Variants in CREBZF observed in about 807,000 individuals in gnomAD.
CREBZF encodes the protein HCF-binding transcription factor Zhangfei.
Under a neutral mutation model 21.1 loss-of-function variants are expected in CREBZF, and 8 were observed. The ratio of observed to expected loss-of-function variants is 0.38; its 90% CI spans 0.22 to 0.68. CREBZF has a LOEUF of 0.68. CREBZF is among the 30% of genes least tolerant of loss of function. The pLI, the probability that CREBZF is intolerant of heterozygous loss-of-function variation, is 0.51. For missense variants in CREBZF, 518 were observed against 484.3 expected, an observed-to-expected ratio of 1.07 and a Z score of -0.65; for synonymous variants, 270 against 223.3, an observed-to-expected ratio of 1.21 and a Z score of -1.86.
At position 85,664,757 on chromosome 11, in the gene CREBZF, G is replaced by T; in HGVS notation, c.119C>A (p.Ala40Glu). The T allele has an allele frequency of 6.2e-7, 1 of 1,607,976 alleles. No homozygotes were observed. The highest frequency in any genetic ancestry group is 1.1e-5 in the South Asian group (1 of 90,778). The change falls in exon 1 of 1, where the codon GCG (alanine) becomes GAG (glutamate). Residue 40 changes from alanine (A) to glutamate (E), a missense_variant. Coordinates refer to ENST00000527447, the MANE Select transcript of CREBZF (RefSeq NM_001039618.4). The surrounding 1 kb of genome is among the most constrained non-coding windows in gnomAD (Gnocchi z 5.5). ...GGCCGCCGCCGTCTCCTCCTCCCCC[G>T]CTGCAGCCCGGGTCAGGTCAGAGGG... is the stretch of plus-strand genomic sequence containing the variant. ...SLPSDLTRAA[A>E]GEEETAAAGS...
rs1468063258 is a variant in CREBZF at position 85,663,539 on chromosome 11, G to C, written c.*272C>G. 7.9e-7 allele frequency: 1 copy of C among 1,270,364 alleles called. No individual in the cohort carries two copies. Among genetic ancestry groups the C allele is most frequent in the South Asian group, 1.3e-5 (1 of 78,484 alleles). 78.7% of individuals were successfully genotyped at this position (1,270,364 alleles called of 1,614,324 possible). A position where few individuals can be genotyped will look rare whatever the true frequency, so the allele number is the denominator to read the frequency against. Reference sequence around the variant, plus strand: ...GGATCCTTACCAGGTTGTGAGGCGGGAACGACTGTTCTGTAACCCCTACAA... The same window carrying C: ...GGATCCTTACCAGGTTGTGAGGCGGCAACGACTGTTCTGTAACCCCTACAA... On this transcript the variant is annotated 3_prime_UTR_variant, in exon 1 of 1. Transcript: ENST00000527447.
chr11:85,661,756 G>C lies in CREBZF; in HGVS notation c.*2055C>G, dbSNP rs1404935741. ...AAATTCTTTGAGCCCATAACTAAAA[G>C]ATCAACAAACCTGGTTTTATTATGA... is the stretch of plus-strand genomic sequence containing the variant. On this transcript the variant is annotated 3_prime_UTR_variant, in exon 1 of 1. Transcript: ENST00000527447. 6.6e-6 allele frequency: 1 copy of C among 152,272 alleles called. No homozygotes were observed. The highest frequency in any genetic ancestry group is 6.6e-5 in the Admixed American group (1 of 15,246). The allele number at this position is 152,272 out of a possible 1,614,324, so 9.4% of individuals were successfully genotyped here.
rs78050764 is a variant in CREBZF at position 85,679,892 on chromosome 11, T to C, written n.147+2825A>G. Among the ~76,000 whole-genome samples, 876 of 152,358 alleles carry C rather than the reference T, an allele frequency of 5.7e-3. 3 individuals carry two copies. The highest frequency in any genetic ancestry group is 8.9e-3 in the Non-Finnish European group (606 of 68,034). ...TTGCCTAAACAGAAATATAGCTTAT[T>C]GGGAAGTTAAACAGATATGTGGAAG... On this transcript the variant is annotated intron_variant and non_coding_transcript_variant, in intron 1 of 3. Transcript: ENST00000531515.
At chr11:85,672,221 G>A (rs761608475) in intron 1 of CREBZF, among the ~76,000 whole-genome samples, 1 of 152,248 alleles carries the variant, frequency 6.6e-6, no homozygotes. Context: ...GCGGGATGCA[G>A]GGCACCAAGT....
chr11:85,660,703 AT>A lies in CREBZF; in HGVS notation c.*3107del, dbSNP rs999276371. 4 of 393,550 alleles carry A rather than the reference AT, an allele frequency of 1.0e-5. No homozygotes were observed. The highest frequency in any genetic ancestry group is 8.6e-5 in the African/African-American group (4 of 46,420). 24.4% of individuals were successfully genotyped at this position (393,550 alleles called of 1,614,324 possible). ...TGGATTATATCAGAGGTGTGACTACATTTTAACAAAAGTGGACTTTTTAAGA... is the reference window on the plus strand; with the variant it reads ...TGGATTATATCAGAGGTGTGACTACATTTAACAAAAGTGGACTTTTTAAGA... On this transcript the variant is annotated 3_prime_UTR_variant, in exon 1 of 1. Transcript: ENST00000527447.
At position 85,660,546 on chromosome 11, in the gene CREBZF, C is replaced by T. The variant is rs1363020766; in HGVS notation, c.*3265G>A. On this transcript the variant is annotated 3_prime_UTR_variant, in exon 1 of 1. Transcript: ENST00000527447. ...CACAATTACTTTGTTACCAACAGTC[C>T]AGTCAGTTAACAGGTTGTAGGAAAA... 6.7e-6 allele frequency: 3 copies of T among 450,844 alleles called. No homozygotes were observed. The highest frequency in any genetic ancestry group is 1.3e-5 in the Non-Finnish European group (3 of 224,958). 27.9% of individuals were successfully genotyped at this position (450,844 alleles called of 1,614,324 possible). A position where few individuals can be genotyped will look rare whatever the true frequency, so the allele number is the denominator to read the frequency against.
intron 1 of CREBZF, among the ~76,000 whole-genome samples, chr11:85,680,659 T>C (rs2082970942): frequency 6.6e-6 from 1 of 152,260 alleles, no homozygotes; most frequent in African/African-American, 2.4e-5. Context: ...GAGACTCATC[T>C]GTACAGCTCT....
chr11:85,672,767 C>T (rs550869852), intron 1 of CREBZF, among the ~76,000 whole-genome samples: 10 of 152,194 alleles, frequency 6.6e-5, no homozygotes, highest in Non-Finnish European at 1.5e-4. Context: ...AGCACCAATG[C>T]CTTTTATGAC....
At chr11:85,682,617 CGATCTT>C in intron 1 of CREBZF, 1 of 351,912 alleles carries the variant, frequency 2.8e-6, no homozygotes, top group Non-Finnish European at 5.2e-6. Flanking sequence ...CCCCCCAACG[CGATCTT>C]CCAGACGCGC....
At position 85,662,369 on chromosome 11, in the gene CREBZF, TTCC is replaced by T; in HGVS notation, c.*1439_*1441del. ...GCAGAAGCCCTGATATTACCTCTTT[TTCC>T]TCATTTCTTATACTACCTTTTAAAA... On this transcript the variant is annotated 3_prime_UTR_variant, in exon 1 of 1. Transcript: ENST00000527447. The T allele has an allele frequency of 1.4e-6, 1 of 715,886 alleles. No individual in the cohort carries two copies. The highest frequency in any genetic ancestry group is 1.5e-5 in the South Asian group (1 of 67,424). The allele number at this position is 715,886 out of a possible 1,614,324, so 44.3% of individuals were successfully genotyped here. A position where few individuals can be genotyped will look rare whatever the true frequency, so the allele number is the denominator to read the frequency against.
chr11:85,668,594 C>T (rs1432524472), upstream of CREBZF, among the ~76,000 whole-genome samples: 2 of 152,142 alleles, frequency 1.3e-5, no homozygotes, highest in East Asian at 3.8e-4. Context: ...AATAGCACTT[C>T]CAGATTCATG....
rs2082615407 is a variant in CREBZF at position 85,659,529 on chromosome 11, G to C, written c.*4282C>G. 6.6e-6 allele frequency among the ~76,000 whole-genome samples: 1 copy of C among 152,044 alleles called. No homozygotes were observed. Among genetic ancestry groups the C allele is most frequent in the Non-Finnish European group, 1.5e-5 (1 of 67,912 alleles). ...GTAAGAAACTGAATGGATTTAATAA[G>C]TTTTGAATAATACAATAACCAACTG... On this transcript the variant is annotated 3_prime_UTR_variant, in exon 1 of 1. Coordinates refer to ENST00000527447, the MANE Select transcript of CREBZF (RefSeq NM_001039618.4).
intron 1 of CREBZF, among the ~76,000 whole-genome samples, chr11:85,672,023 A>G (rs1481224988): frequency 6.6e-6 from 1 of 152,226 alleles, no homozygotes; most frequent in Non-Finnish European, 1.5e-5. Context: ...CAGCAAACTT[A>G]TGCCTGGACA....
chr11:85,673,114 C>T (rs189505750), intron 1 of CREBZF, among the ~76,000 whole-genome samples: 45 of 152,244 alleles, frequency 3.0e-4, no homozygotes, highest in Admixed American at 1.6e-3. Context: ...GTTTTTGCAA[C>T]ACAGAAAAGC....
intron 1 of CREBZF, among the ~76,000 whole-genome samples, chr11:85,679,716 T>C (rs1235389571): frequency 6.6e-6 from 1 of 152,202 alleles, no homozygotes; most frequent in African/African-American, 2.4e-5. Flanking sequence ...AAAAAGATAT[T>C]GTCATTAGCC....
Position 85,663,780 on chromosome 11 carries a change from T to C in CREBZF, c.*31A>G. On this transcript the variant is annotated 3_prime_UTR_variant, in exon 1 of 1. Coordinates refer to ENST00000527447, the MANE Select transcript of CREBZF (RefSeq NM_001039618.4). Reference sequence around the variant, plus strand: ...CATGGTGTAAGGGAGTTGAAAGGGGTAAACGCGGATAAAGAGCAGATTACT... The same window carrying C: ...CATGGTGTAAGGGAGTTGAAAGGGGCAAACGCGGATAAAGAGCAGATTACT... 1 of 1,580,338 alleles carries C rather than the reference T, an allele frequency of 6.3e-7. No homozygotes were observed. Among genetic ancestry groups the C allele is most frequent in the Non-Finnish European group, 8.6e-7 (1 of 1,165,376 alleles).
At chr11:85,672,132 C>T (rs1279209002) in intron 1 of CREBZF, among the ~76,000 whole-genome samples, 6 of 152,244 alleles carry the variant, frequency 3.9e-5, no homozygotes, top group African/African-American at 9.6e-5. Context: ...ACGTGGAAGC[C>T]GCCAAGGCTT....
chr11:85,672,006 G>T (rs191823414), intron 1 of CREBZF, among the ~76,000 whole-genome samples: 1 of 152,242 alleles, frequency 6.6e-6, no homozygotes, highest in Admixed American at 6.5e-5. Context: ...TGGGAGCCCC[G>T]CTCCTGCAGC....
Position 85,664,240 on chromosome 11 carries a change from C to G in CREBZF, c.636G>C (p.Lys212Asn), listed in dbSNP as rs1196904533. Residue 212 changes from lysine to asparagine, a missense_variant, in exon 1 of 1, where the codon AAG becomes AAC. Around this residue, in one of 3 missense-constraint regions of CREBZF, gnomAD observed 396 missense variants for 324.4 expected, o/e 1.22. Coordinates refer to ENST00000527447, the MANE Select transcript of CREBZF (RefSeq NM_001039618.4). The surrounding 1 kb of genome is among the most constrained non-coding windows in gnomAD (Gnocchi z 5.5). ...TAAGGCGGGCAGCGGCCGCCGCCGCCTTCCGGGGACTCTTTGTCGCCGCCT... is the reference window on the plus strand; with the variant it reads ...TAAGGCGGGCAGCGGCCGCCGCCGCGTTCCGGGGACTCTTTGTCGCCGCCT... Reference protein sequence around the residue: ...NNQAATKSPRKAAAAAARLNR... With the variant: ...NNQAATKSPRNAAAAAARLNR... 6.2e-7 allele frequency: 1 copy of G among 1,612,950 alleles called. No homozygotes were observed. The highest frequency in any genetic ancestry group is 8.5e-7 in the Non-Finnish European group (1 of 1,179,880).
Sources: allele counts gnomAD v4.1 joint callset (sites outside exome capture counted in the v4.1 genomes callset), GRCh38; gene constraint gnomAD v4.1.1; regional missense constraint gnomAD v4.1.1; non-coding constraint Gnocchi (gnomAD v3.1); transcripts MANE v1.5; gene names NCBI Gene and HGNC (gene_info 2026-07-23, HGNC 2026-07-21).